The following ASB3 variants were observed in gnomAD, a reference collection of about 807,000 sequenced individuals.
The protein encoded by ASB3 is ankyrin repeat and SOCS box containing 3.
Under a neutral mutation model 54.5 loss-of-function variants are expected in ASB3, and 41 were observed. The observed-to-expected ratio is 0.75, with a 90% CI of 0.59 to 0.98. The LOEUF is 0.98. ASB3 is among the 50% of genes least tolerant of loss of function. The probability of loss-of-function intolerance (pLI) is 0.00; values close to 1 mark genes in which losing one functional copy is unlikely to be tolerated. For missense variants in ASB3, 733 were observed against 620.0 expected (o/e 1.18, Z -1.94); for synonymous variants, 266 against 221.2 (o/e 1.20, Z -1.80).
At chr2:53,692,682 G>T (rs1668980066) in intron 9 of ASB3, among the ~76,000 whole-genome samples, 3 of 151,996 alleles carry the variant, frequency 2.0e-5, no homozygotes, top group Admixed American at 2.0e-4. Context: ...CTTACTAATC[G>T]ATATGTAGCA....
At chr2:53,747,964 G>A (rs186619056) in intron 3 of ASB3, among the ~76,000 whole-genome samples, 2 of 152,260 alleles carry the variant, frequency 1.3e-5, no homozygotes, top group East Asian at 3.9e-4. Context: ...GTTTTTAATA[G>A]TTCACTGAAT....
At chr2:53,734,097 G>A (rs1203615258) in intron 3 of ASB3, among the ~76,000 whole-genome samples, 2 of 152,186 alleles carry the variant, frequency 1.3e-5, no homozygotes, top group Non-Finnish European at 2.9e-5. Context: ...CCCTCATTCC[G>A]GTAAACCCAC....
In ASB3 at chr2:53,691,035, T is replaced by C. The variant is rs866314361; in HGVS notation, c.1369+2849A>G. On this transcript the variant is annotated intron_variant, in intron 9 of 9. Coordinates refer to ENST00000263634, the MANE Select transcript of ASB3 (RefSeq NM_016115.5). ...GAGTAAGACATCTATTGCTATGTGG[T>C]TAGGCTGATGTTTCTAAGAGGTATG... Among the ~76,000 whole-genome samples the C allele has an allele frequency of 7.9e-5, 12 of 152,166 alleles. No individual in the cohort carries two copies. The South Asian group carries it at 2.5e-3, about 32-fold the overall frequency.
chr2:53,670,903 C>CA (rs1667777055), intron 9 of ASB3, among the ~76,000 whole-genome samples: 1 of 152,190 alleles, frequency 6.6e-6, no homozygotes, highest in African/African-American at 2.4e-5. Flanking sequence ...GTTGGCCACA[C>CA]ATTCAAAGTC....
chr2:53,741,151 T>G (rs978633419), intron 3 of ASB3, among the ~76,000 whole-genome samples: 6 of 152,218 alleles, frequency 3.9e-5, no homozygotes, highest in Non-Finnish European at 8.8e-5. Context: ...AGACTATCCT[T>G]AATCCCAAAG....
chr2:53,685,648 T>C (rs558109338), intron 9 of ASB3, among the ~76,000 whole-genome samples: 1 of 152,188 alleles, frequency 6.6e-6, no homozygotes, highest in African/African-American at 2.4e-5. Flanking sequence ...TATAAAAAGA[T>C]GAGGATTATG....
At chr2:53,718,956 G>A (rs936986925) in intron 5 of ASB3, among the ~76,000 whole-genome samples, 5 of 152,022 alleles carry the variant, frequency 3.3e-5, no homozygotes, top group African/African-American at 4.8e-5. Context: ...GAGTCTCGCC[G>A]TGTCGCCAGG....
chr2:53,744,578 T>A (rs1672127154), intron 3 of ASB3, among the ~76,000 whole-genome samples: 2 of 152,038 alleles, frequency 1.3e-5, no homozygotes, highest in Non-Finnish European at 2.9e-5. Flanking sequence ...GAACATGTCC[T>A]CAAGTAAAAA....
chr2:53,729,067 C>A (rs891083777), intron 4 of ASB3, among the ~76,000 whole-genome samples: 3 of 152,132 alleles, frequency 2.0e-5, no homozygotes, highest in African/African-American at 4.8e-5. Context: ...ACATGAAACA[C>A]TGATCTCTAG....
chr2:53,734,511 T>A (rs1331394187), intron 3 of ASB3, among the ~76,000 whole-genome samples: 3 of 152,186 alleles, frequency 2.0e-5, no homozygotes, highest in Non-Finnish European at 4.4e-5. Flanking sequence ...TAGTGCCTAT[T>A]ATGTACCAGG....
In ASB3 at chr2:53,714,377, T is replaced by C; in HGVS notation, c.980+7A>G. On this transcript the variant is annotated splice_region_variant and intron_variant, in intron 7 of 9. Transcript: ENST00000263634. ...ATAAAAAATAAAAACATAGCAAATA[T>C]ACATACTCCTTTTGGAAAGCCATGC... 1 of 1,613,788 alleles carries C rather than the reference T, an allele frequency of 6.2e-7. No individual in the cohort carries two copies. Among genetic ancestry groups the C allele is most frequent in the South Asian group, 1.1e-5 (1 of 91,012 alleles).
At chr2:53,718,695 C>T (rs899840960) in intron 5 of ASB3, among the ~76,000 whole-genome samples, 8 of 151,642 alleles carry the variant, frequency 5.3e-5, no homozygotes, top group African/African-American at 1.9e-4. Flanking sequence ...AGGGTCTCTT[C>T]AGATCATACA....
At chr2:53,759,845 G>A (rs1170506322) in intron 2 of ASB3, among the ~76,000 whole-genome samples, 2 of 152,188 alleles carry the variant, frequency 1.3e-5, no homozygotes, top group East Asian at 1.9e-4. Flanking sequence ...TGATACAGCA[G>A]CAGGACTGAG....
chr2:53,728,637 C>A, intron 5 of ASB3, 75 bp downstream of exon 5: 1 of 1,371,236 alleles, frequency 7.3e-7, no homozygotes, highest in Non-Finnish European at 9.5e-7. Flanking sequence ...ATATTTGAGA[C>A]AAGAATTATT....
At chr2:53,758,102 G>A (rs141607145) in intron 2 of ASB3, among the ~76,000 whole-genome samples, 2,346 of 152,264 alleles carry the variant, frequency 0.015, 23 homozygotes, top group South Asian at 0.035. Context: ...AAAAGCCAGG[G>A]TAAATTTAAA....
chr2:53,672,221 A>T (rs1218583991), intron 9 of ASB3, among the ~76,000 whole-genome samples: 1 of 152,216 alleles, frequency 6.6e-6, no homozygotes, highest in Non-Finnish European at 1.5e-5. Flanking sequence ...ACCTAAGTCT[A>T]AGCTGGGCAT....
At chr2:53,711,920 G>C (rs1670120794) in intron 7 of ASB3, among the ~76,000 whole-genome samples, 1 of 152,048 alleles carries the variant, frequency 6.6e-6, no homozygotes, top group South Asian at 2.1e-4. Flanking sequence ...GTTTTTTGTA[G>C]TCATTAGAGA....
chr2:53,709,786 C>A (rs1473174562), intron 7 of ASB3, among the ~76,000 whole-genome samples: 2 of 152,146 alleles, frequency 1.3e-5, no homozygotes, highest in Non-Finnish European at 2.9e-5. Context: ...TGCTTTTGTA[C>A]AGTCTTTCCA....
chr2:53,740,004 CAAT>C (rs1161200364), intron 3 of ASB3, among the ~76,000 whole-genome samples: 2 of 152,120 alleles, frequency 1.3e-5, no homozygotes, highest in East Asian at 3.9e-4. Context: ...CAGATTTTGA[CAAT>C]AATTCTAAAA....
Sources: gnomAD v4.1 joint callset for allele counts (sites outside exome capture counted in the v4.1 genomes callset) on GRCh38, gnomAD v4.1.1 for gene constraint, MANE v1.5 for transcripts, NCBI Gene and HGNC (gene_info 2026-07-23, HGNC 2026-07-21) for gene names.